FBXL17: variants seen among roughly 807,000 people sequenced by gnomAD.
FBXL17 encodes the protein F-box and leucine rich repeat protein 17.
Under a neutral mutation model 66.2 loss-of-function variants are expected in FBXL17, and 22 were observed. The observed-to-expected ratio is 0.33, with a 90% CI of 0.24 to 0.47. FBXL17 has a LOEUF of 0.47. FBXL17 is among the 20% of genes least tolerant of loss of function. The probability of loss-of-function intolerance (pLI) is 1.00; values close to 1 mark genes in which losing one functional copy is unlikely to be tolerated. For synonymous variants in FBXL17, 474 were observed against 400.5 expected, an observed-to-expected ratio of 1.18 and a Z score of -2.19; for missense variants, 878 against 948.2, an observed-to-expected ratio of 0.93 and a Z score of 0.97.
rs1749817377 is a variant in FBXL17 at position 108,380,883 on chromosome 5, G to A, written c.809C>T (p.Ala270Val). The A allele has an allele frequency of 1.4e-5, 17 of 1,238,958 alleles. No homozygotes were observed. The highest frequency in any genetic ancestry group is 1.2e-5 in the Non-Finnish European group (12 of 985,764). 76.7% of individuals were successfully genotyped at this position (1,238,958 alleles called of 1,614,324 possible). A position where few individuals can be genotyped will look rare whatever the true frequency, so the allele number is the denominator to read the frequency against. Residue 270 changes from alanine to valine, a missense_variant, in exon 1 of 9, where the codon GCC becomes GTC. Ala to Val is a moderately conservative substitution (Grantham distance 64). This residue lies in a region of FBXL17 where 605 missense variants were observed against 509.5 expected (regional missense o/e 1.19). Coordinates refer to ENST00000542267, the MANE Select transcript of FBXL17 (RefSeq NM_001163315.3). ...PPPSSPTSEG[A>V]PTEAGGDAVR... is the part of the protein sequence containing the mutation. ...AGCGTCCCCGCCAGCTTCGGTGGGG[G>A]CACCTTCGGAGGTGGGAGAAGAGGG...
chr5:107,864,289 A>G (rs1019142764), intron 8 of FBXL17, among the ~76,000 whole-genome samples: 4 of 152,150 alleles, frequency 2.6e-5, no homozygotes, highest in African/African-American at 9.7e-5. Context: ...ATATTGTTCC[A>G]CCTCTAAGTT....
At chr5:108,228,305 G>T (rs1410993435) in intron 4 of FBXL17, among the ~76,000 whole-genome samples, 2 of 152,134 alleles carry the variant, frequency 1.3e-5, no homozygotes, top group African/African-American at 4.8e-5. Context: ...ATCAGTTAGG[G>T]ATTTGTGGCA....
chr5:108,192,331 A>C (rs1316609470), intron 5 of FBXL17, among the ~76,000 whole-genome samples: 1 of 152,158 alleles, frequency 6.6e-6, no homozygotes, highest in African/African-American at 2.4e-5. Context: ...TAAATGTTTC[A>C]CTCCAATTTT....
chr5:108,018,303 G>C (rs2112757248), intron 7 of FBXL17, among the ~76,000 whole-genome samples: 1 of 152,238 alleles, frequency 6.6e-6, no homozygotes, highest in South Asian at 2.1e-4. Flanking sequence ...AGAAGGAAAA[G>C]GGCATCTGCT....
intron 7 of FBXL17, among the ~76,000 whole-genome samples, chr5:107,944,132 C>T (rs953430601): frequency 6.6e-6 from 1 of 152,204 alleles, no homozygotes; most frequent in Non-Finnish European, 1.5e-5. Context: ...CTCCTCTCAA[C>T]AGTGAGATCC....
intron 7 of FBXL17, among the ~76,000 whole-genome samples, chr5:107,915,311 TAAAA>T (rs1750088559): frequency 1.3e-5 from 2 of 152,136 alleles, no homozygotes; most frequent in Non-Finnish European, 1.5e-5. Context: ...AATCTGACAC[TAAAA>T]ATGGCCTCAG....
chr5:108,188,467 T>C (rs1580582108), intron 5 of FBXL17, among the ~76,000 whole-genome samples: 1 of 152,314 alleles, frequency 6.6e-6, no homozygotes, highest in African/African-American at 2.4e-5. Flanking sequence ...CAGTCTAGTA[T>C]GGGACTCAGC....
intron 4 of FBXL17, among the ~76,000 whole-genome samples, chr5:108,292,745 A>C (rs1758166849): frequency 6.6e-6 from 1 of 152,130 alleles, no homozygotes; most frequent in African/African-American, 2.4e-5. Context: ...CTCCTAAATA[A>C]TATTTAATTG....
At chr5:107,967,392 A>G (rs1008517410) in intron 7 of FBXL17, among the ~76,000 whole-genome samples, 1 of 151,914 alleles carries the variant, frequency 6.6e-6, no homozygotes, top group Non-Finnish European at 1.5e-5. Context: ...TTGACAGCTA[A>G]GTTTATATAC....
chr5:107,898,579 G>A (rs897146368), intron 7 of FBXL17, among the ~76,000 whole-genome samples: 8 of 152,070 alleles, frequency 5.3e-5, no homozygotes, highest in Non-Finnish European at 1.0e-4. Flanking sequence ...CCATCAACCC[G>A]TCATCTACAT....
chr5:107,927,735 AT>A (rs1561324600), intron 7 of FBXL17, among the ~76,000 whole-genome samples: 1 of 152,232 alleles, frequency 6.6e-6, no homozygotes, highest in African/African-American at 2.4e-5. Context: ...GGGAAAAAAA[AT>A]CTTAATTTTT....
At chr5:108,109,825 A>G (rs1415899907) in intron 6 of FBXL17, among the ~76,000 whole-genome samples, 1 of 152,220 alleles carries the variant, frequency 6.6e-6, no homozygotes, top group Non-Finnish European at 1.5e-5. Flanking sequence ...GTTCTGAGAC[A>G]TCTTTGATCA....
chr5:107,910,209 A>C (rs1749903996), intron 7 of FBXL17, among the ~76,000 whole-genome samples: 1 of 152,122 alleles, frequency 6.6e-6, no homozygotes, highest in African/African-American at 2.4e-5. Flanking sequence ...AAAGGAAGAA[A>C]AGAAATAATA....
chr5:108,315,673 A>G (rs1321956630), intron 4 of FBXL17, among the ~76,000 whole-genome samples: 5 of 151,436 alleles, frequency 3.3e-5, no homozygotes. Context: ...CCATATGCTT[A>G]TTTAACTTCA....
At chr5:107,972,980 C>G (rs558765952) in intron 7 of FBXL17, among the ~76,000 whole-genome samples, 10 of 152,212 alleles carry the variant, frequency 6.6e-5, no homozygotes, top group Non-Finnish European at 1.5e-4. Flanking sequence ...ATCTCCATCC[C>G]TGTTAGTCCT....
intron 7 of FBXL17, among the ~76,000 whole-genome samples, chr5:107,890,567 G>A (rs1749165296): frequency 6.6e-6 from 1 of 152,002 alleles, no homozygotes; most frequent in South Asian, 2.1e-4. Context: ...GGGAGGCTGA[G>A]GCGGGAGGAC....
At chr5:108,106,068 C>G (rs1749783408) in intron 6 of FBXL17, among the ~76,000 whole-genome samples, 1 of 152,040 alleles carries the variant, frequency 6.6e-6, no homozygotes, top group Non-Finnish European at 1.5e-5. Flanking sequence ...CAAGGTCATT[C>G]AAGCAGTAAG....
chr5:107,909,739 A>T (rs1749887277), intron 7 of FBXL17, among the ~76,000 whole-genome samples: 1 of 152,154 alleles, frequency 6.6e-6, no homozygotes, highest in African/African-American at 2.4e-5. Flanking sequence ...GCTCTAGTGC[A>T]GAGACAAGAG....
chr5:107,991,906 T>C (rs936607078), intron 7 of FBXL17, among the ~76,000 whole-genome samples: 1 of 152,202 alleles, frequency 6.6e-6, no homozygotes, highest in South Asian at 2.1e-4. Context: ...AAGCATATCA[T>C]TGCATTGCTT....
Sources: gnomAD v4.1 joint callset for allele counts (sites outside exome capture counted in the v4.1 genomes callset) on GRCh38, gnomAD v4.1.1 for gene constraint, gnomAD v4.1.1 regional missense constraint, MANE v1.5 for transcripts, NCBI Gene and HGNC (gene_info 2026-07-23, HGNC 2026-07-21) for gene names.